The following NAT1 variants were observed in gnomAD, a reference collection of about 807,000 sequenced individuals.
NAT1 encodes the protein arylamine N-acetyltransferase 1.
For synonymous variants in NAT1, 144 were observed against 122.6 expected (o/e 1.17, Z -1.16); for missense variants, 400 against 339.2 (o/e 1.18, Z -1.41).
Position 18,222,102 on chromosome 8 carries a change from T to C in NAT1, c.55T>C (p.Leu19=), listed in dbSNP as rs774165767. The stretch of plus-strand genomic sequence containing the variant: ...TGGCTATAAGAAGTCTAGGAACAAA[T>C]TGGACTTGGAAACATTAACTGACAT... ...RIGYKKSRNK[L]DLETLTDILQ... Residue 19 remains leucine (L), a synonymous_variant, in exon 3 of 3, where the codon TTG becomes CTG. Coordinates refer to ENST00000307719, the MANE Select transcript of NAT1 (RefSeq NM_000662.8). The C allele has an allele frequency of 6.2e-6, 10 of 1,613,974 alleles. No homozygotes were observed. In the Admixed American group the frequency reaches 6.7e-5, roughly 11 times the overall value.
intron 2 of NAT1, among the ~76,000 whole-genome samples, chr8:18,187,640 G>A (rs1349318986): frequency 6.6e-6 from 1 of 151,926 alleles, no homozygotes; most frequent in Admixed American, 6.6e-5. Flanking sequence ...CTTATAAGTG[G>A]GAATTAAATG....
rs1453560331 is a variant in NAT1, at chr8:18,210,185, G to A, written c.-86+5G>A. The stretch of plus-strand genomic sequence containing the variant: ...GTTGCCGGCTGAAATAACCTGGTAA[G>A]TGGAACTCTGTAAGGGGCTTTGAAA... On this transcript the variant is annotated splice_donor_5th_base_variant and intron_variant, in intron 1 of 2. Transcript: ENST00000307719. 1 of 152,226 alleles carries A rather than the reference G, an allele frequency of 6.6e-6. No homozygotes were observed. The highest frequency in any genetic ancestry group is 2.4e-5 in the African/African-American group (1 of 41,432). The allele number at this position is 152,226 out of a possible 1,614,324, so 9.4% of individuals were successfully genotyped here.
intron 1 of NAT1, among the ~76,000 whole-genome samples, chr8:18,211,592 C>T (rs957937532): frequency 5.9e-5 from 9 of 152,196 alleles, no homozygotes; most frequent in Non-Finnish European, 1.2e-4. Flanking sequence ...ACCCCCACCA[C>T]CTGCCTGGCC....
intron 2 of NAT1, among the ~76,000 whole-genome samples, chr8:18,204,563 C>G (rs1263134110): frequency 1.6e-5 from 1 of 61,930 alleles, no homozygotes; most frequent in Non-Finnish European, 2.9e-5. Context: ...TAATATGATA[C>G]AGAACAAAAT....
intron 2 of NAT1, among the ~76,000 whole-genome samples, chr8:18,184,003 T>C (rs899697533): frequency 6.6e-6 from 1 of 152,124 alleles, no homozygotes; most frequent in Non-Finnish European, 1.5e-5. Context: ...GCTGGCAGTG[T>C]ATACTAGTGG....
chr8:18,208,111 G>A (rs1022752151), upstream of NAT1, among the ~76,000 whole-genome samples: 2 of 148,412 alleles, frequency 1.3e-5, no homozygotes, highest in African/African-American at 2.4e-5. Flanking sequence ...ACTGGGGCCC[G>A]TTGGGGTGAG....
intron 2 of NAT1, among the ~76,000 whole-genome samples, chr8:18,194,430 T>C (rs953621513): frequency 2.6e-5 from 4 of 152,212 alleles, no homozygotes; most frequent in Non-Finnish European, 5.9e-5. Flanking sequence ...CCAAGTCGTA[T>C]CTGTTGAGTC....
At chr8:18,203,692 A>C (rs1009038801) in intron 2 of NAT1, among the ~76,000 whole-genome samples, 51 of 152,204 alleles carry the variant, frequency 3.4e-4, no homozygotes, top group African/African-American at 1.1e-3. Context: ...TGGTGTGTAC[A>C]TTTAAGACCC....
At chr8:18,188,989 C>A (rs200557840) in intron 2 of NAT1, among the ~76,000 whole-genome samples, 1 of 19,294 alleles carries the variant, frequency 5.2e-5, no homozygotes, top group East Asian at 1.2e-3. Flanking sequence ...AGAGAGACTC[C>A]GACTCAAAAA....
At chr8:18,179,817 T>C (rs1468704456) in intron 2 of NAT1, among the ~76,000 whole-genome samples, 2 of 152,172 alleles carry the variant, frequency 1.3e-5, no homozygotes, top group Non-Finnish European at 2.9e-5. Flanking sequence ...TGGCATTGTG[T>C]TTAGCCTCAT....
Position 18,181,816 on chromosome 8 carries a change from T to C in NAT1, n.92+11077T>C, listed in dbSNP as rs573078791. Among the ~76,000 whole-genome samples, 20 of 152,296 alleles carry C rather than the reference T, an allele frequency of 1.3e-4. No homozygotes were observed. The East Asian group carries it at 2.7e-3, about 21-fold the overall frequency. On this transcript the variant is annotated intron_variant and non_coding_transcript_variant, in intron 2 of 4. Coordinates refer to the NAT1 transcript ENST00000517441. The stretch of plus-strand genomic sequence containing the variant: ...GTTGTATTTTATGAAATGTTTCCGC[T>C]TCAGTCAGGTAGTGGTGAAGCAGGC...
rs1701429491 is a variant in NAT1 at position 18,182,286 on chromosome 8, A to G, written n.92+11547A>G. On this transcript the variant is annotated intron_variant and non_coding_transcript_variant, in intron 2 of 4. Coordinates refer to the NAT1 transcript ENST00000517441. ...AGCTATTTTGCTCCCCATATTTGAA[A>G]CTCAGCATTTCTTTAATATTCCAAT... 2.0e-5 allele frequency among the ~76,000 whole-genome samples: 3 copies of G among 151,966 alleles called. No homozygotes were observed. The South Asian group carries it at 6.2e-4, about 32-fold the overall frequency.
At chr8:18,220,515 G>T (rs1303495515) in intron 2 of NAT1, among the ~76,000 whole-genome samples, 3 of 152,162 alleles carry the variant, frequency 2.0e-5, no homozygotes, top group African/African-American at 7.2e-5. Context: ...ATGATGGCAG[G>T]TTTAAAAAAC....
chr8:18,173,196 A>G (rs1802163106), intron 2 of NAT1, among the ~76,000 whole-genome samples: 1 of 151,890 alleles, frequency 6.6e-6, no homozygotes, highest in South Asian at 2.1e-4. Context: ...TGTGCACAGC[A>G]CAGGATATGA....
intron 2 of NAT1, 62 bp from the exon 3 acceptor site, chr8:18,221,980 G>A: frequency 6.7e-7 from 1 of 1,488,650 alleles, no homozygotes; most frequent in Non-Finnish European, 9.1e-7. Context: ...GCCATAATTA[G>A]CCTACTCAAA....
At chr8:18,198,398 C>G (rs1329047344) in intron 2 of NAT1, among the ~76,000 whole-genome samples, 1 of 152,188 alleles carries the variant, frequency 6.6e-6, no homozygotes, top group Non-Finnish European at 1.5e-5. Context: ...TCCTTCCTAA[C>G]CACATAAGAT....
At chr8:18,193,026 C>T (rs1803071595) in intron 2 of NAT1, among the ~76,000 whole-genome samples, 1 of 146,860 alleles carries the variant, frequency 6.8e-6, no homozygotes, top group Non-Finnish European at 1.5e-5. Flanking sequence ...ACAACAACAA[C>T]AACAAAAGAT....
chr8:18,186,581 G>A (rs1300062633), intron 2 of NAT1, among the ~76,000 whole-genome samples: 1 of 151,948 alleles, frequency 6.6e-6, no homozygotes, highest in Non-Finnish European at 1.5e-5. Context: ...GATATTTTAG[G>A]TTTATACCTA....
At chr8:18,178,900 C>T (rs1198056396) in intron 2 of NAT1, among the ~76,000 whole-genome samples, 1 of 152,110 alleles carries the variant, frequency 6.6e-6, no homozygotes, top group Non-Finnish European at 1.5e-5. Context: ...CTAGATTTGT[C>T]TTTTCACCTT....
Sources: allele counts gnomAD v4.1 joint callset (sites outside exome capture counted in the v4.1 genomes callset), GRCh38; gene constraint gnomAD v4.1.1; transcripts MANE v1.5; gene names NCBI Gene and HGNC (gene_info 2026-07-23, HGNC 2026-07-21).